The following ETFBKMT variants were observed in gnomAD, a reference collection of about 807,000 sequenced individuals.
The protein encoded by ETFBKMT is electron transfer flavoprotein beta subunit lysine methyltransferase.
A neutral mutation model predicts 18.3 loss-of-function variants in ETFBKMT; 13 were observed. That is an observed-to-expected ratio of 0.71 (90% CI 0.46 to 1.13). ETFBKMT has a LOEUF of 1.13. ETFBKMT is among the 50% of genes most tolerant of loss of function. ETFBKMT has a pLI of 0.00. For missense variants in ETFBKMT, 293 were observed against 306.2 expected (o/e 0.96, Z 0.32); for synonymous variants, 84 against 107.9 (o/e 0.78, Z 1.37).
In ETFBKMT at chr12:31,670,295, G is replaced by A. The variant is rs1268864438; in HGVS notation, c.*2305G>A. 6.6e-6 allele frequency: 1 copy of A among 152,232 alleles called. No individual in the cohort carries two copies. Among genetic ancestry groups the A allele is most frequent in the Non-Finnish European group, 1.5e-5 (1 of 68,060 alleles). 9.4% of individuals were successfully genotyped at this position (152,232 alleles called of 1,614,324 possible). ...TTCTTTGTATTTGCGTTTCTAATTT[G>A]TGAGGCATTCTCTCTTTAACCTTAA... On this transcript the variant is annotated 3_prime_UTR_variant, in exon 4 of 4. Transcript: ENST00000357721.
intron 2 of ETFBKMT, among the ~76,000 whole-genome samples, chr12:31,664,821 G>T (rs929314577): frequency 6.6e-6 from 1 of 151,610 alleles, no homozygotes; most frequent in African/African-American, 2.4e-5. Context: ...CACCCTGTTG[G>T]CCAGGCTGGT....
At chr12:31,667,522 A>ATTTT in intron 3 of ETFBKMT, 125 bp from the exon 4 acceptor site, 1 of 781,638 alleles carries the variant, frequency 1.3e-6, no homozygotes, top group Non-Finnish European at 2.0e-6. Flanking sequence ...TCTACTTTAA[A>ATTTT]AAACAACTTT....
rs777074663 is a variant in ETFBKMT at position 31,670,977 on chromosome 12, T to C, written c.*2987T>C. On this transcript the variant is annotated 3_prime_UTR_variant, in exon 4 of 4. Transcript: ENST00000357721. ...CTGGGTACTGGATGGGGTACAGATA[T>C]TTTAAACAGAGTGGTGAGAAATAGT... 1 of 152,122 alleles carries C rather than the reference T, an allele frequency of 6.6e-6. No homozygotes were observed. Among genetic ancestry groups the C allele is most frequent in the Non-Finnish European group, 1.5e-5 (1 of 68,030 alleles). 9.4% of individuals were successfully genotyped at this position (152,122 alleles called of 1,614,324 possible). A position where few individuals can be genotyped will look rare whatever the true frequency, so the allele number is the denominator to read the frequency against.
At chr12:31,662,744 C>A (rs1214756987) in intron 2 of ETFBKMT, among the ~76,000 whole-genome samples, 1 of 152,102 alleles carries the variant, frequency 6.6e-6, no homozygotes, top group Admixed American at 6.6e-5. Context: ...AGTCAGCTGT[C>A]AAGACCCTGG....
intron 1 of ETFBKMT, 197 bp downstream of exon 1, chr12:31,659,986 TAAA>T (rs10567575): frequency 0.7 from 71,472 of 101,418 alleles, 25,970 homozygotes; most frequent in Non-Finnish European, 0.84. Flanking sequence ...TCGTCTCTAC[TAAA>T]AAAAAAAAAA....
In ETFBKMT at chr12:31,668,074, T is replaced by G. The variant is rs1951221895; in HGVS notation, c.*84T>G. On this transcript the variant is annotated 3_prime_UTR_variant, in exon 4 of 4. Transcript: ENST00000357721. ...TTCTCTATAGGAGATACTCTCCAGT[T>G]TAATGAATGTAATTCTTGTTAAATG... 8 of 1,031,730 alleles carry G rather than the reference T, an allele frequency of 7.8e-6. No homozygotes were observed. The highest frequency in any genetic ancestry group is 9.9e-6 in the Non-Finnish European group (7 of 709,098). 63.9% of individuals were successfully genotyped at this position (1,031,730 alleles called of 1,614,324 possible). A position where few individuals can be genotyped will look rare whatever the true frequency, so the allele number is the denominator to read the frequency against.
At chr12:31,652,925 C>T (rs1469105809) in intron 1 of ETFBKMT, among the ~76,000 whole-genome samples, 1 of 152,138 alleles carries the variant, frequency 6.6e-6, no homozygotes, top group African/African-American at 2.4e-5. Context: ...AGAAATGTGC[C>T]AGGCCGGTCG....
At chr12:31,666,779 T>G (rs1951201368) in intron 3 of ETFBKMT, among the ~76,000 whole-genome samples, 1 of 151,334 alleles carries the variant, frequency 6.6e-6, no homozygotes, top group South Asian at 2.1e-4. Context: ...GCCTCCTGAG[T>G]AGCTGGGACT....
chr12:31,651,849 CA>C (rs981902182), intron 1 of ETFBKMT, among the ~76,000 whole-genome samples: 16 of 152,150 alleles, frequency 1.1e-4, no homozygotes, highest in Non-Finnish European at 2.1e-4. Context: ...AAAGCAGCCC[CA>C]AATCATTTTC....
chr12:31,658,452 T>A (rs1286333871), upstream of ETFBKMT, among the ~76,000 whole-genome samples: 1 of 152,206 alleles, frequency 6.6e-6, no homozygotes, highest in Non-Finnish European at 1.5e-5. Flanking sequence ...ATGATAAGGC[T>A]GCATCTGGGG....
intron 1 of ETFBKMT, among the ~76,000 whole-genome samples, chr12:31,661,478 C>CTT (rs879855966): frequency 1.4e-3 from 202 of 146,048 alleles, no homozygotes; most frequent in African/African-American, 4.8e-3. Context: ...TATTTTATTT[C>CTT]TTTTTTTTTT....
rs1297968097 is a variant in ETFBKMT at position 31,670,190 on chromosome 12, C to T, written c.*2200C>T. 6.6e-6 allele frequency: 1 copy of T among 152,194 alleles called. No individual in the cohort carries two copies. The highest frequency in any genetic ancestry group is 1.5e-5 in the Non-Finnish European group (1 of 68,066). 9.4% of individuals were successfully genotyped at this position (152,194 alleles called of 1,614,324 possible). On this transcript the variant is annotated 3_prime_UTR_variant, in exon 4 of 4. Transcript: ENST00000357721. ...CTTAAGTCCATCCACATGGAGCCTC[C>T]AGCAACTCAGGAATTACAGCATAAA...
chr12:31,653,907 T>C (rs1228800988), intron 1 of ETFBKMT, among the ~76,000 whole-genome samples: 2 of 151,536 alleles, frequency 1.3e-5, no homozygotes, highest in African/African-American at 4.8e-5. Context: ...GAGATAGCGC[T>C]ACTGCACTCC....
chr12:31,648,134 G>A (rs1015499025), intron 1 of ETFBKMT, among the ~76,000 whole-genome samples: 11 of 152,172 alleles, frequency 7.2e-5, no homozygotes, highest in South Asian at 4.1e-4. Flanking sequence ...TATCACAGAT[G>A]AATGGAGAAA....
chr12:31,654,914 G>A (rs1229495706), upstream of ETFBKMT, among the ~76,000 whole-genome samples: 1 of 151,992 alleles, frequency 6.6e-6, no homozygotes, highest in Admixed American at 6.6e-5. Context: ...AAATTAGCCA[G>A]GTGTGGTGGT....
At chr12:31,655,012 C>T (rs886610663), upstream of ETFBKMT, among the ~76,000 whole-genome samples, 8 of 150,746 alleles carry the variant, frequency 5.3e-5, no homozygotes, top group South Asian at 4.2e-4. Context: ...GCCAAGATCG[C>T]GCCACTGCAC....
chr12:31,655,598 T>C (rs909497245), upstream of ETFBKMT, among the ~76,000 whole-genome samples: 1 of 152,242 alleles, frequency 6.6e-6, no homozygotes, highest in African/African-American at 2.4e-5. Flanking sequence ...GTCTGAATAA[T>C]GAATTCTTCC....
At chr12:31,650,365 G>T (rs1297243291) in intron 1 of ETFBKMT, among the ~76,000 whole-genome samples, 4 of 152,054 alleles carry the variant, frequency 2.6e-5, no homozygotes, top group Admixed American at 1.3e-4. Context: ...CAAAGGGGAG[G>T]CATAAATAAT....
At position 31,671,976 on chromosome 12, in the gene ETFBKMT, A is replaced by C. The variant is rs1253577038; in HGVS notation, c.*3986A>C. 1 of 199,004 alleles carries C rather than the reference A, an allele frequency of 5.0e-6. No homozygotes were observed. Among genetic ancestry groups the C allele is most frequent in the Non-Finnish European group, 1.0e-5 (1 of 97,632 alleles). The allele number at this position is 199,004 out of a possible 1,614,324, so 12.3% of individuals were successfully genotyped here. A position where few individuals can be genotyped will look rare whatever the true frequency, so the allele number is the denominator to read the frequency against. On this transcript the variant is annotated 3_prime_UTR_variant, in exon 4 of 4. Coordinates refer to ENST00000357721, the MANE Select transcript of ETFBKMT (RefSeq NM_001135863.2). ...ATAGCTCAAATACCTACATAGGAGA[A>C]GGAAATCTCAAGGGAAAACAGTTAA...
Sources: gnomAD v4.1 joint callset for allele counts (sites outside exome capture counted in the v4.1 genomes callset) on GRCh38, gnomAD v4.1.1 for gene constraint, MANE v1.5 for transcripts, NCBI Gene and HGNC (gene_info 2026-07-23, HGNC 2026-07-21) for gene names.